Variants in MCC observed in about 807,000 individuals in gnomAD.
The protein encoded by MCC is MCC regulator of Wnt signaling pathway, also known as colorectal mutant cancer protein.
In MCC, 90 loss-of-function variants were observed where a neutral mutation model predicts 116.2. The observed-to-expected ratio is 0.77, with a 90% CI of 0.65 to 0.92. The LOEUF is 0.92. Ranked by LOEUF, MCC falls within the 40% of genes least tolerant of loss-of-function variation. The pLI is 0.00. For synonymous variants in MCC, 578 were observed against 510.5 expected (o/e 1.13, Z -1.78); for missense variants, 1,516 against 1,312.2 (o/e 1.16, Z -2.40).
intron 11 of MCC, among the ~76,000 whole-genome samples, chr5:113,079,995 T>C (rs1468954958): frequency 2.0e-5 from 3 of 152,122 alleles, no homozygotes; most frequent in East Asian, 1.9e-4. Context: ...GGGTGAAGGA[T>C]ATGAACAGAC....
intron 17 of MCC, among the ~76,000 whole-genome samples, chr5:113,038,217 T>C (rs534540086): frequency 6.6e-6 from 1 of 152,116 alleles, no homozygotes; most frequent in Non-Finnish European, 1.5e-5. Context: ...CAGAATTGTA[T>C]TGGATGTGCT....
At chr5:113,388,179 T>C (rs561404963) in intron 1 of MCC, among the ~76,000 whole-genome samples, 1 of 152,332 alleles carries the variant, frequency 6.6e-6, no homozygotes, top group East Asian at 1.9e-4. Context: ...TTTAAACGTG[T>C]AGGCTGTTGA....
chr5:113,181,905 G>T (rs1014442496), intron 3 of MCC, among the ~76,000 whole-genome samples: 7 of 152,146 alleles, frequency 4.6e-5, no homozygotes, highest in African/African-American at 1.7e-4. Context: ...CAGTTGCCAC[G>T]CAGATATGTT....
chr5:113,153,805 G>A (rs1226151496), intron 3 of MCC, among the ~76,000 whole-genome samples: 1 of 152,168 alleles, frequency 6.6e-6, no homozygotes. Flanking sequence ...CATCACAGAT[G>A]TCTGAGTGGG....
intron 1 of MCC, among the ~76,000 whole-genome samples, chr5:113,445,033 C>T (rs1224125296): frequency 2.0e-5 from 3 of 152,130 alleles, no homozygotes; most frequent in African/African-American, 7.2e-5. Flanking sequence ...AAACAAAATC[C>T]CTTAATGCTC....
intron 1 of MCC, among the ~76,000 whole-genome samples, chr5:113,474,406 C>G (rs1772180403): frequency 6.6e-6 from 1 of 152,158 alleles, no homozygotes. Flanking sequence ...TTACTGGGAG[C>G]TGCATGTGCA....
intron 2 of MCC, among the ~76,000 whole-genome samples, chr5:113,377,100 A>G (rs1024493772): frequency 5.3e-5 from 8 of 152,192 alleles, no homozygotes; most frequent in African/African-American, 1.7e-4. Flanking sequence ...AGGAAGGCTG[A>G]TGACATTTGA....
intron 3 of MCC, among the ~76,000 whole-genome samples, chr5:113,215,099 C>A (rs1245940254): frequency 1.3e-5 from 2 of 152,228 alleles, no homozygotes; most frequent in Non-Finnish European, 2.9e-5. Flanking sequence ...CTGGCTACTG[C>A]CAGCCCTTTA....
intron 3 of MCC, among the ~76,000 whole-genome samples, chr5:113,199,763 G>A (rs895688107): frequency 1.3e-5 from 2 of 152,128 alleles, no homozygotes; most frequent in African/African-American, 4.8e-5. Context: ...CAAGGAGAGA[G>A]AACAATGCAA....
At chr5:113,166,143 T>C (rs1760756163) in intron 3 of MCC, among the ~76,000 whole-genome samples, 1 of 152,012 alleles carries the variant, frequency 6.6e-6, no homozygotes, top group Non-Finnish European at 1.5e-5. Context: ...AACAGAAAAA[T>C]TCCCTAAAGC....
intron 2 of MCC, among the ~76,000 whole-genome samples, chr5:113,347,534 C>A (rs950140711): frequency 1.3e-5 from 2 of 151,924 alleles, no homozygotes; most frequent in Non-Finnish European, 2.9e-5. Flanking sequence ...GTATTACTTG[C>A]AAGCCTTGCG....
chr5:113,104,303 C>T lies in MCC; in HGVS notation c.1080G>A (p.Glu360=), dbSNP rs1222264684. Residue 360 remains glutamate (E), a synonymous_variant, in exon 7 of 19, where the codon GAG becomes GAA. Coordinates refer to ENST00000408903, the MANE Select transcript of MCC (RefSeq NM_001085377.2). ...TCTTCTTCCTGCCGCAGACAACATT[C>T]TCCAGCCCTGTCAGCACCCTCTGCA... is the stretch of plus-strand genomic sequence containing the variant. ...SELQRVLTGL[E]NVVCGRKKSS... 3 of 1,614,010 alleles carry T rather than the reference C, an allele frequency of 1.9e-6. No homozygotes were observed. The highest frequency in any genetic ancestry group is 1.7e-4 in the Middle Eastern group (1 of 5,922).
chr5:113,171,165 G>A (rs1170305318), intron 3 of MCC, among the ~76,000 whole-genome samples: 1 of 151,992 alleles, frequency 6.6e-6, no homozygotes, highest in African/African-American at 2.4e-5. Context: ...CATGGTGCAA[G>A]ATAATTTCCC....
chr5:113,399,887 A>T (rs1460602963), intron 1 of MCC: 2 of 152,206 alleles, frequency 1.3e-5, no homozygotes, highest in Non-Finnish European at 2.9e-5. Context: ...CTAAGAGGTC[A>T]CAGAAATAAT....
intron 8 of MCC, among the ~76,000 whole-genome samples, chr5:113,097,638 C>T (rs10045658): frequency 1.3e-5 from 2 of 151,936 alleles, no homozygotes; most frequent in South Asian, 2.1e-4. Context: ...CCAGCTCAGA[C>T]GGGACTATGG....
At chr5:113,459,178 T>TGTGTGTGG (rs1561583860) in intron 1 of MCC, among the ~76,000 whole-genome samples, 1 of 101,578 alleles carries the variant, frequency 9.8e-6, no homozygotes, top group Non-Finnish European at 1.9e-5. Flanking sequence ...TGTGTGTGTG[T>TGTGTGTGG]GAAGTGGGTG....
At chr5:113,393,424 C>T (rs1284147317) in intron 1 of MCC, among the ~76,000 whole-genome samples, 1 of 152,032 alleles carries the variant, frequency 6.6e-6, no homozygotes, top group Non-Finnish European at 1.5e-5. Flanking sequence ...CAGGAGATGA[C>T]CCTTGGAGTT....
chr5:113,029,496 A>G (rs564144717), intron 17 of MCC, among the ~76,000 whole-genome samples: 1 of 152,034 alleles, frequency 6.6e-6, no homozygotes, highest in East Asian at 1.9e-4. Context: ...GTCCCCACTC[A>G]TTGAGACCAA....
At chr5:113,069,780 G>A (rs1420070866) in intron 12 of MCC, among the ~76,000 whole-genome samples, 1 of 152,128 alleles carries the variant, frequency 6.6e-6, no homozygotes, top group Non-Finnish European at 1.5e-5. Flanking sequence ...TAGCGACGGG[G>A]TTTCACTGTG....
Sources: gnomAD v4.1 joint callset for allele counts (sites outside exome capture counted in the v4.1 genomes callset) on GRCh38, gnomAD v4.1.1 for gene constraint, MANE v1.5 for transcripts, NCBI Gene and HGNC (gene_info 2026-07-23, HGNC 2026-07-21) for gene names.